Variants in CNTN5 observed in about 807,000 individuals in gnomAD.
CNTN5 encodes the protein contactin 5.
Under a neutral mutation model 129.1 loss-of-function variants are expected in CNTN5, and 77 were observed. That is an observed-to-expected ratio of 0.60 (90% CI 0.50 to 0.72). The LOEUF (loss-of-function observed/expected upper bound fraction) is 0.72. Among genes scored for constraint, CNTN5 ranks in the 30% least tolerant of loss-of-function variants. The pLI, the probability that CNTN5 is intolerant of heterozygous loss-of-function variation, is 0.00. For missense variants in CNTN5, 1,478 were observed against 1,328.8 expected (o/e 1.11, Z -1.75); for synonymous variants, 509 against 465.6 (o/e 1.09, Z -1.20).
At chr11:100,008,652 A>G (rs1453568) in intron 9 of CNTN5, among the ~76,000 whole-genome samples, 16,921 of 152,112 alleles carry the variant, frequency 0.11, 1,409 homozygotes, top group East Asian at 0.22. Flanking sequence ...GTAAACATAC[A>G]CTATGGACCT....
At chr11:99,173,944 G>C (rs1178601923) in intron 1 of CNTN5, among the ~76,000 whole-genome samples, 5 of 152,144 alleles carry the variant, frequency 3.3e-5, no homozygotes, top group African/African-American at 1.2e-4. Flanking sequence ...TAAATCTATA[G>C]AACTCAGTAT....
intron 1 of CNTN5, among the ~76,000 whole-genome samples, chr11:99,266,068 G>A (rs534063963): frequency 1.3e-5 from 2 of 152,148 alleles, no homozygotes; most frequent in South Asian, 2.1e-4. Flanking sequence ...GGAAGCAGGG[G>A]AAGTATAAAA....
Position 99,667,596 on chromosome 11 carries a change from C to T in CNTN5, c.55+111327C>T, listed in dbSNP as rs974403030. Reference sequence around the variant, plus strand: ...GATAAATTTCAAAGCTATTAAAATACGTGTAATACCATGCACTCATAAAAA... The same window carrying T: ...GATAAATTTCAAAGCTATTAAAATATGTGTAATACCATGCACTCATAAAAA... On this transcript the variant is annotated intron_variant, in intron 3 of 24. Transcript: ENST00000524871. Among the ~76,000 whole-genome samples, 12 of 152,228 alleles carry T rather than the reference C, an allele frequency of 7.9e-5. No homozygotes were observed. In the South Asian group the frequency reaches 1.9e-3, roughly 24 times the overall value.
At chr11:99,835,659 A>G (rs1947279658) in intron 4 of CNTN5, among the ~76,000 whole-genome samples, 2 of 135,720 alleles carry the variant, frequency 1.5e-5, no homozygotes, top group Admixed American at 7.4e-5. Context: ...ATGGAAACAT[A>G]TGGATGAAAA....
chr11:99,335,234 G>A (rs72983759), intron 2 of CNTN5, among the ~76,000 whole-genome samples: 4,932 of 152,144 alleles, frequency 0.032, 110 homozygotes, highest in Middle Eastern at 0.068. Context: ...GAAGTAACTA[G>A]TTGAGGGAGT....
intron 1 of CNTN5, among the ~76,000 whole-genome samples, chr11:99,079,724 G>A (rs1865716428): frequency 6.6e-6 from 1 of 152,148 alleles, no homozygotes; most frequent in Admixed American, 6.6e-5. Flanking sequence ...GTGTCACACT[G>A]TTTCACACTT....
chr11:99,884,942 A>C (rs973885721), intron 6 of CNTN5, among the ~76,000 whole-genome samples: 2 of 151,978 alleles, frequency 1.3e-5, no homozygotes, highest in South Asian at 2.1e-4. Flanking sequence ...GTACCACTGC[A>C]CTCCACCCTC....
chr11:99,667,267 G>T, intron 3 of CNTN5, among the ~76,000 whole-genome samples: 1 of 149,548 alleles, frequency 6.7e-6, no homozygotes, highest in Non-Finnish European at 1.5e-5. Flanking sequence ...TTGCTTACAA[G>T]CATTTTGTTT....
intron 3 of CNTN5, among the ~76,000 whole-genome samples, chr11:99,759,703 G>A (rs1453219929): frequency 1.3e-5 from 2 of 151,298 alleles, no homozygotes; most frequent in South Asian, 2.1e-4. Flanking sequence ...AAGGGAGGGA[G>A]GGAGGGAAAG....
chr11:99,962,147 T>A (rs1322907780), intron 8 of CNTN5, among the ~76,000 whole-genome samples: 1 of 152,160 alleles, frequency 6.6e-6, no homozygotes, highest in African/African-American at 2.4e-5. Context: ...AGAATGGAAT[T>A]ATTTTTATTC....
rs138838613 is a variant in CNTN5, at chr11:100,016,644, T to A, written c.980+14508T>A. ...TGCTTGATTTTTGATGGTAGAGCCGTATGTACATGGTGGCATTTGCTACAA... is the reference window on the plus strand; with the variant it reads ...TGCTTGATTTTTGATGGTAGAGCCGAATGTACATGGTGGCATTTGCTACAA... On this transcript the variant is annotated intron_variant, in intron 9 of 24. Transcript: ENST00000524871. Among the ~76,000 whole-genome samples the A allele has an allele frequency of 2.0e-4, 30 of 152,102 alleles. No individual in the cohort carries two copies. The East Asian group carries it at 5.6e-3, about 28-fold the overall frequency.
At chr11:99,960,419 T>C (rs902074765) in intron 8 of CNTN5, among the ~76,000 whole-genome samples, 6 of 152,122 alleles carry the variant, frequency 3.9e-5, no homozygotes, top group African/African-American at 1.4e-4. Context: ...TTATCTTCTA[T>C]ACTTCTTCTT....
At chr11:99,852,779 A>G (rs1293859570) in intron 6 of CNTN5, among the ~76,000 whole-genome samples, 6 of 152,134 alleles carry the variant, frequency 3.9e-5, no homozygotes, top group Non-Finnish European at 7.4e-5. Context: ...TCAAGTTGTA[A>G]AGTAACAAGG....
chr11:99,778,026 G>C (rs1038295735), intron 3 of CNTN5, among the ~76,000 whole-genome samples: 1 of 151,726 alleles, frequency 6.6e-6, no homozygotes, highest in African/African-American at 2.4e-5. Context: ...AATATTTTAG[G>C]TTATATAACC....
intron 1 of CNTN5, among the ~76,000 whole-genome samples, chr11:99,026,292 T>C (rs1863104057): frequency 6.6e-6 from 1 of 151,612 alleles, no homozygotes; most frequent in African/African-American, 2.4e-5. Context: ...TAAAACCTTC[T>C]TCTTCATATT....
chr11:99,692,914 G>C (rs774775875), intron 3 of CNTN5, among the ~76,000 whole-genome samples: 15 of 152,084 alleles, frequency 9.9e-5, no homozygotes, highest in Non-Finnish European at 1.9e-4. Context: ...AATTATAATA[G>C]CTGGGAGAAA....
At chr11:100,296,467 G>T (rs552214031) in intron 18 of CNTN5, among the ~76,000 whole-genome samples, 133 of 151,642 alleles carry the variant, frequency 8.8e-4, no homozygotes, top group African/African-American at 3.1e-3. Context: ...CAGTATGTAT[G>T]TAACAGTGAA....
chr11:100,132,489 A>G (rs1452442129), intron 13 of CNTN5, among the ~76,000 whole-genome samples: 2 of 152,136 alleles, frequency 1.3e-5, no homozygotes, highest in Non-Finnish European at 2.9e-5. Flanking sequence ...GCTTATTTAA[A>G]TAATGTCTTC....
rs183543014 is a variant in CNTN5 at position 100,106,075 on chromosome 11, A to G, written c.1580+31781A>G. On this transcript the variant is annotated intron_variant, in intron 13 of 24. Coordinates refer to ENST00000524871, the MANE Select transcript of CNTN5 (RefSeq NM_014361.4). The stretch of plus-strand genomic sequence containing the variant: ...TTTCAGCTCCTGTAAAGTTCAAACC[A>G]GTGCTGCTGATCAGAAGTCGGTTTT... Among the ~76,000 whole-genome samples the G allele has an allele frequency of 9.2e-5, 14 of 152,308 alleles. No homozygotes were observed. The East Asian group carries it at 2.5e-3, about 27-fold the overall frequency.
Sources: gnomAD v4.1 joint callset for allele counts (sites outside exome capture counted in the v4.1 genomes callset) on GRCh38, gnomAD v4.1.1 for gene constraint, MANE v1.5 for transcripts, NCBI Gene and HGNC (gene_info 2026-07-23, HGNC 2026-07-21) for gene names.